The following RECQL variants were observed in gnomAD, a reference collection of about 807,000 sequenced individuals.
The protein encoded by RECQL is ATP-dependent DNA helicase Q1.
A neutral mutation model predicts 75.8 loss-of-function variants in RECQL; 73 were observed. That is an observed-to-expected ratio of 0.96 (90% CI 0.80 to 1.17). The LOEUF is 1.17. Among genes scored for constraint, RECQL ranks in the 50% most tolerant of loss-of-function variants. The pLI is 0.00. For missense variants in RECQL, 699 were observed against 772.1 expected (o/e 0.91, Z 1.12); for synonymous variants, 248 against 254.4 (o/e 0.97, Z 0.24).
intron 2 of RECQL, among the ~76,000 whole-genome samples, chr12:21,494,333 A>AT (rs1293884745): frequency 6.6e-6 from 1 of 152,234 alleles, no homozygotes; most frequent in Non-Finnish European, 1.5e-5. Context: ...GGAGACACAT[A>AT]TCCAAACTAC....
intron 3 of RECQL, among the ~76,000 whole-genome samples, chr12:21,491,108 AATTATTCT>A (rs1489025746): frequency 1.3e-5 from 2 of 152,188 alleles, no homozygotes; most frequent in African/African-American, 4.8e-5. Flanking sequence ...GAGTTATTCT[AATTATTCT>A]ATTATTCTAT....
In RECQL at chr12:21,471,875, A is replaced by T. The variant is rs140827891; in HGVS notation, c.1448-228T>A. ...TGTGGGGTTTACAGTGATATATATA[A>T]AAAAAAATTGGTTATCAGAAGCCCT... On this transcript the variant is annotated intron_variant, in intron 12 of 14. Coordinates refer to ENST00000444129, the MANE Select transcript of RECQL (RefSeq NM_002907.4). Among the ~76,000 whole-genome samples, 449 of 151,840 alleles carry T rather than the reference A, an allele frequency of 3.0e-3. 5 individuals carry two copies. Among genetic ancestry groups the T allele is most frequent in the African/African-American group, 0.011 (437 of 41,450 alleles).
chr12:21,475,043 A>T, intron 10 of RECQL, 64 bp from the exon 11 acceptor site: 1 of 1,523,080 alleles, frequency 6.6e-7, no homozygotes, highest in Non-Finnish European at 9.0e-7. Context: ...TGCAAAAATG[A>T]CATATGGTAA....
intron 4 of RECQL, 53 bp downstream of exon 4, chr12:21,490,146 G>A (rs972838730): frequency 1.4e-4 from 135 of 974,464 alleles, no homozygotes; most frequent in Non-Finnish European, 1.9e-4. Context: ...GAATTAAAAA[G>A]GTATGATGAC....
At chr12:21,474,519 C>G (rs562318416) in intron 11 of RECQL, among the ~76,000 whole-genome samples, 1 of 152,174 alleles carries the variant, frequency 6.6e-6, no homozygotes, top group South Asian at 2.1e-4. Flanking sequence ...CCTATCTTAA[C>G]CATAGACCTT....
rs147788426 is a variant in RECQL at position 21,486,563 on chromosome 12, T to C, written c.417A>G (p.Pro139=). Residue 139 remains proline (P), a synonymous_variant, in exon 5 of 15, where the codon CCA becomes CCG. Coordinates refer to ENST00000444129, the MANE Select transcript of RECQL (RefSeq NM_002907.4). Reference sequence around the variant, plus strand: ...ATTGGTCTTCCATAAGAGAGATCAATGGGCAAATGACGAGTGTAAAACCTA... The same window carrying C: ...ATTGGTCTTCCATAAGAGAGATCAACGGGCAAATGACGAGTGTAAAACCTA... ...CSDGFTLVIC[P]LISLMEDQLM... is the part of the protein sequence containing the mutation. 89 of 1,561,300 alleles carry C rather than the reference T, an allele frequency of 5.7e-5. 1 individual carries two copies. In the African/African-American group the frequency reaches 1.1e-3, roughly 20 times the overall value.
At chr12:21,497,933 C>A (rs1943538510) in intron 2 of RECQL, among the ~76,000 whole-genome samples, 1 of 152,136 alleles carries the variant, frequency 6.6e-6, no homozygotes, top group South Asian at 2.1e-4. Context: ...GCATTGGAAC[C>A]GTCTATAATG....
chr12:21,484,754 G>GAT (rs34914517), intron 5 of RECQL, among the ~76,000 whole-genome samples: 49,820 of 149,164 alleles, frequency 0.33, 8,450 homozygotes, highest in East Asian at 0.49. Flanking sequence ...TATACATATT[G>GAT]ATATATATAT....
chr12:21,493,292 T>C (rs1010786650), intron 2 of RECQL, among the ~76,000 whole-genome samples: 7 of 152,188 alleles, frequency 4.6e-5, no homozygotes, highest in African/African-American at 1.7e-4. Context: ...TCATCATCCA[T>C]AGACACCAGT....
intron 6 of RECQL, among the ~76,000 whole-genome samples, chr12:21,482,893 TATCTC>T (rs779795086): frequency 6.6e-5 from 10 of 152,184 alleles, no homozygotes; most frequent in Non-Finnish European, 8.8e-5. Flanking sequence ...TCACTAAAAA[TATCTC>T]ATCAAAGTTT....
chr12:21,486,441 T>C (rs558717400), intron 5 of RECQL, 38 bp downstream of exon 5: 6 of 1,535,188 alleles, frequency 3.9e-6, no homozygotes, highest in South Asian at 1.3e-5. Flanking sequence ...TTTCAGTGAA[T>C]AGTTTACATT....
At chr12:21,498,499 C>T (rs1943549112) in intron 2 of RECQL, among the ~76,000 whole-genome samples, 1 of 152,254 alleles carries the variant, frequency 6.6e-6, no homozygotes, top group African/African-American at 2.4e-5. Flanking sequence ...GCAATAGTTC[C>T]ATTAAACTGG....
chr12:21,483,821 A>G (rs1050192373), intron 5 of RECQL, among the ~76,000 whole-genome samples: 11 of 152,308 alleles, frequency 7.2e-5, no homozygotes, highest in Admixed American at 3.3e-4. Flanking sequence ...CTCACTTGAC[A>G]AAAAAGAACA....
rs73071387 is a variant in RECQL, at chr12:21,501,331, G to A, written c.-207C>T. ...ACTTTCCGGTTTCTCCTCCGCCAAT[G>A]TGTGGGCGAAAGGAAGTGATCCGCT... On this transcript the variant is annotated 5_prime_UTR_variant, in exon 1 of 15. Coordinates refer to ENST00000444129, the MANE Select transcript of RECQL (RefSeq NM_002907.4). The A allele has an allele frequency of 0.022, 3,361 of 152,512 alleles. 55 individuals carry two copies. The highest frequency in any genetic ancestry group is 0.033 in the Non-Finnish European group (2,218 of 68,128). The allele number at this position is 152,512 out of a possible 1,614,324, so 9.4% of individuals were successfully genotyped here.
chr12:21,498,724 T>G (rs1300695784), intron 2 of RECQL, among the ~76,000 whole-genome samples: 2 of 152,112 alleles, frequency 1.3e-5, no homozygotes, highest in African/African-American at 4.8e-5. Context: ...TAAAGTTAAT[T>G]GAAAACTATA....
chr12:21,478,405 A>G (rs543895970), intron 6 of RECQL, among the ~76,000 whole-genome samples: 2 of 152,144 alleles, frequency 1.3e-5, no homozygotes, highest in Non-Finnish European at 2.9e-5. Context: ...TATTTGGAGG[A>G]AACTGAAAAA....
At chr12:21,470,471 T>G in intron 14 of RECQL, 125 bp from the exon 15 acceptor site, 5 of 1,052,952 alleles carry the variant, frequency 4.7e-6, no homozygotes, top group Non-Finnish European at 6.5e-6. Flanking sequence ...TATACAGGGG[T>G]CTAGTTTTTT....
Position 21,469,822 on chromosome 12 carries a change from C to T in RECQL, c.*372G>A, listed in dbSNP as rs1272565146. On this transcript the variant is annotated 3_prime_UTR_variant, in exon 15 of 15. Coordinates refer to ENST00000444129, the MANE Select transcript of RECQL (RefSeq NM_002907.4). ...GATCTACATATTTAACTTAAAGTAT[C>T]ACTCAGTGAGCCTCTGTCAGTATAA... 1.8e-5 allele frequency: 3 copies of T among 167,712 alleles called. No homozygotes were observed. Among genetic ancestry groups the T allele is most frequent in the Non-Finnish European group, 2.6e-5 (2 of 78,304 alleles). The allele number at this position is 167,712 out of a possible 1,614,324, so 10.4% of individuals were successfully genotyped here. A position where few individuals can be genotyped will look rare whatever the true frequency, so the allele number is the denominator to read the frequency against.
chr12:21,478,593 C>T (rs1943131475), intron 6 of RECQL, among the ~76,000 whole-genome samples: 1 of 152,212 alleles, frequency 6.6e-6, no homozygotes, highest in Admixed American at 6.5e-5. Flanking sequence ...AGCATATACA[C>T]TGCAAATACA....
Sources: gnomAD v4.1 joint callset for allele counts (sites outside exome capture counted in the v4.1 genomes callset) on GRCh38, gnomAD v4.1.1 for gene constraint, MANE v1.5 for transcripts, NCBI Gene and HGNC (gene_info 2026-07-23, HGNC 2026-07-21) for gene names.